Variants in PCDH9 observed in about 807,000 individuals in gnomAD.
The protein encoded by PCDH9 is protocadherin 9, also known as protocadherin-9.
PCDH9 carries 24 observed loss-of-function variants against 70.6 expected under a neutral mutation model. The observed-to-expected ratio is 0.34, with a 90% CI of 0.25 to 0.48. PCDH9 has a LOEUF of 0.48. Ranked by LOEUF, PCDH9 falls within the 20% of genes least tolerant of loss-of-function variation. The probability of loss-of-function intolerance (pLI) is 0.99; values close to 1 mark genes in which losing one functional copy is unlikely to be tolerated. For synonymous variants in PCDH9, 562 were observed against 558.5 expected (o/e 1.01, Z -0.09); for missense variants, 1,281 against 1,503.6 (o/e 0.85, Z 2.45).
chr13:66,449,420 T>A (rs1387635313), intron 4 of PCDH9, among the ~76,000 whole-genome samples: 1 of 152,208 alleles, frequency 6.6e-6, no homozygotes, highest in Non-Finnish European at 1.5e-5. Flanking sequence ...TAGTTAAGAA[T>A]ATGGATTGGT....
intron 2 of PCDH9, among the ~76,000 whole-genome samples, chr13:67,049,237 C>T (rs2085278684): frequency 1.3e-5 from 2 of 152,062 alleles, no homozygotes; most frequent in Admixed American, 1.3e-4. Context: ...GTTCATGGGC[C>T]CAGTACATTG....
chr13:66,705,786 T>G (rs778307258), intron 3 of PCDH9, among the ~76,000 whole-genome samples: 3 of 152,194 alleles, frequency 2.0e-5, no homozygotes, highest in Non-Finnish European at 4.4e-5. Flanking sequence ...AAAACTTTAC[T>G]AGGGTTTTAA....
At chr13:66,986,289 C>A (rs957837308) in intron 2 of PCDH9, among the ~76,000 whole-genome samples, 1 of 152,012 alleles carries the variant, frequency 6.6e-6, no homozygotes, top group African/African-American at 2.4e-5. Context: ...CATGTCCCTC[C>A]CATGACAGTG....
At chr13:66,849,516 A>G (rs1292881263) in intron 3 of PCDH9, among the ~76,000 whole-genome samples, 1 of 127,198 alleles carries the variant, frequency 7.9e-6, no homozygotes, top group African/African-American at 3.1e-5. Context: ...ATATATATAT[A>G]TAGAGAGAGA....
intron 4 of PCDH9, among the ~76,000 whole-genome samples, chr13:66,433,949 T>C (rs1361059164): frequency 6.6e-6 from 1 of 151,850 alleles, no homozygotes; most frequent in African/African-American, 2.4e-5. Context: ...TAATTTTGCT[T>C]GAAACCAATA....
At chr13:66,768,338 C>T (rs2079752401) in intron 3 of PCDH9, among the ~76,000 whole-genome samples, 1 of 151,656 alleles carries the variant, frequency 6.6e-6, no homozygotes, top group Non-Finnish European at 1.5e-5. Flanking sequence ...TTTATATAAG[C>T]CTAAGCATAT....
chr13:66,863,624 T>TA (rs1383306162), intron 3 of PCDH9, among the ~76,000 whole-genome samples: 1 of 152,122 alleles, frequency 6.6e-6, no homozygotes, highest in African/African-American at 2.4e-5. Context: ...TAGCTAGGAT[T>TA]ACAGGCACCT....
intron 3 of PCDH9, among the ~76,000 whole-genome samples, chr13:66,656,282 A>G (rs746156667): frequency 2.0e-5 from 3 of 152,208 alleles, no homozygotes; most frequent in Non-Finnish European, 2.9e-5. Flanking sequence ...ACTAAAGCTT[A>G]GCATTGAGGA....
At chr13:66,942,545 G>T (rs1178915411) in intron 2 of PCDH9, among the ~76,000 whole-genome samples, 2 of 151,896 alleles carry the variant, frequency 1.3e-5, no homozygotes, top group Admixed American at 6.6e-5. Context: ...AAAAATTAAG[G>T]CTCAAAAATT....
intron 3 of PCDH9, among the ~76,000 whole-genome samples, chr13:66,874,371 T>C (rs931105332): frequency 1.3e-5 from 2 of 152,190 alleles, no homozygotes; most frequent in African/African-American, 4.8e-5. Flanking sequence ...AAGACTGTTA[T>C]TTTTTGTCTT....
chr13:66,333,844 C>A (rs1272212047), intron 4 of PCDH9, among the ~76,000 whole-genome samples: 3 of 152,028 alleles, frequency 2.0e-5, no homozygotes, highest in African/African-American at 7.3e-5. Context: ...CCATGGGATC[C>A]AGATATTTGG....
At chr13:67,091,314 C>T (rs570075511) in intron 2 of PCDH9, among the ~76,000 whole-genome samples, 234 of 152,160 alleles carry the variant, frequency 1.5e-3, no homozygotes, top group African/African-American at 5.0e-3. Flanking sequence ...CTACACAAAA[C>T]ACTTCATGAA....
Position 66,381,558 on chromosome 13 carries a change from T to TACA in PCDH9, c.3341-76533_3341-76531dup, listed in dbSNP as rs566365743. The stretch of plus-strand genomic sequence containing the variant: ...CGTTCTCTGAAACATAGAAACAAAA[T>TACA]ACAACAACAACAACAAATGTGCCCT... On this transcript the variant is annotated intron_variant, in intron 4 of 4. Transcript: ENST00000377865. Among the ~76,000 whole-genome samples the TACA allele has an allele frequency of 1.8e-3, 272 of 152,188 alleles. 1 individual carries two copies. Among genetic ancestry groups the TACA allele is most frequent in the Non-Finnish European group, 1.3e-3 (85 of 67,988 alleles).
At chr13:66,869,959 G>A (rs546029343) in intron 3 of PCDH9, among the ~76,000 whole-genome samples, 208 of 152,264 alleles carry the variant, frequency 1.4e-3, no homozygotes, top group Non-Finnish European at 2.3e-3. Context: ...GGCTTTTGTT[G>A]CCATTGCTTT....
intron 2 of PCDH9, among the ~76,000 whole-genome samples, chr13:67,039,386 AC>A (rs1456872426): frequency 6.6e-6 from 1 of 152,156 alleles, no homozygotes; most frequent in African/African-American, 2.4e-5. Flanking sequence ...TCCTGTTGTT[AC>A]CATACGGCAT....
intron 2 of PCDH9, among the ~76,000 whole-genome samples, chr13:66,959,794 T>C (rs1422792601): frequency 6.6e-6 from 1 of 151,812 alleles, no homozygotes; most frequent in Non-Finnish European, 1.5e-5. Context: ...TATACTTTCA[T>C]GACCTGATAA....
chr13:66,723,726 G>A (rs1002178237), intron 3 of PCDH9, among the ~76,000 whole-genome samples: 1 of 152,116 alleles, frequency 6.6e-6, no homozygotes, highest in South Asian at 2.1e-4. Context: ...CAAAAGAGAA[G>A]GGGTAAAAGG....
intron 3 of PCDH9, among the ~76,000 whole-genome samples, chr13:66,855,949 T>A (rs1276874656): frequency 6.6e-6 from 1 of 151,942 alleles, no homozygotes; most frequent in Admixed American, 6.6e-5. Flanking sequence ...TAAAAAGACA[T>A]GAAATCATGA....
intron 2 of PCDH9, among the ~76,000 whole-genome samples, chr13:67,098,948 C>T (rs2086377965): frequency 2.0e-5 from 3 of 152,022 alleles, no homozygotes; most frequent in Admixed American, 1.3e-4. Context: ...TAATAAATTA[C>T]AAAGTATTTG....
Sources: allele counts gnomAD v4.1 joint callset (sites outside exome capture counted in the v4.1 genomes callset), GRCh38; gene constraint gnomAD v4.1.1; transcripts MANE v1.5; gene names NCBI Gene and HGNC (gene_info 2026-07-23, HGNC 2026-07-21).